SV2B: variants seen among roughly 807,000 people sequenced by gnomAD.
SV2B encodes the protein solute carrier family 22 member B2.
SV2B carries 41 observed loss-of-function variants against 73.9 expected under a neutral mutation model. That is an observed-to-expected ratio of 0.56 (90% CI 0.43 to 0.72). The LOEUF is 0.72. SV2B is among the 30% of genes least tolerant of loss of function. SV2B has a pLI of 0.00. For missense variants in SV2B, 764 were observed against 857.8 expected, an observed-to-expected ratio of 0.89 and a Z score of 1.37; for synonymous variants, 314 against 314.2, an observed-to-expected ratio of 1.00 and a Z score of 0.01.
At position 91,278,670 on chromosome 15, in the gene SV2B, C is replaced by G. The variant is rs1351731141; in HGVS notation, c.1374-3058C>G. ...GTCCGGCCTGGGCGACAGAGCGAGA[C>G]TCCGTCTCAAAAAAAAAAAAAAAAA... is the stretch of plus-strand genomic sequence containing the variant. On this transcript the variant is annotated intron_variant, in intron 9 of 12. Coordinates refer to ENST00000394232, the MANE Select transcript of SV2B (RefSeq NM_001323032.3). Among the ~76,000 whole-genome samples the G allele has an allele frequency of 6.3e-5, 4 of 63,804 alleles. 1 individual carries two copies. In the South Asian group the frequency reaches 1.4e-3, roughly 23 times the overall value. The allele number at this position is 63,804 out of a possible 152,430, so 41.9% of individuals were successfully genotyped here. A position where few individuals can be genotyped will look rare whatever the true frequency, so the allele number is the denominator to read the frequency against.
At chr15:91,233,752 G>A (rs746337171) in intron 2 of SV2B, among the ~76,000 whole-genome samples, 3 of 152,114 alleles carry the variant, frequency 2.0e-5, no homozygotes, top group Non-Finnish European at 4.4e-5. Flanking sequence ...CCTCTCCTGA[G>A]GCAGTTGCCT....
rs1001579629 is a variant in SV2B, at chr15:91,288,261, A to AT, written c.1709-1253dup. On this transcript the variant is annotated intron_variant, in intron 11 of 12. Transcript: ENST00000394232. The surrounding 1 kb of genome is among the most constrained non-coding windows in gnomAD (Gnocchi z 5.8). Reference sequence around the variant, plus strand: ...TGAGAATGGATTTTTTTAAAAAATTATTTTTTTATTTTTAATGGATAAATT... The same window carrying AT: ...TGAGAATGGATTTTTTTAAAAAATTATTTTTTTTATTTTTAATGGATAAATT... 1.3e-5 allele frequency among the ~76,000 whole-genome samples: 2 copies of AT among 152,036 alleles called. No individual in the cohort carries two copies. Among genetic ancestry groups the AT allele is most frequent in the African/African-American group, 2.4e-5 (1 of 41,392 alleles).
rs146971962 is a variant in SV2B at position 91,128,241 on chromosome 15, C to T, written c.-392+27878C>T. 8.4e-3 allele frequency among the ~76,000 whole-genome samples: 1,284 copies of T among 152,228 alleles called. 40 individuals carry two copies. The highest frequency in any genetic ancestry group is 0.055 in the Admixed American group (841 of 15,298). On this transcript the variant is annotated intron_variant, in intron 1 of 12. Transcript: ENST00000394232. This position sits in a 1 kb window ranked among gnomAD's most constrained non-coding sequence, Gnocchi z 4.2. The stretch of plus-strand genomic sequence containing the variant: ...CACCCTCTTCCACCAGTGAGTCATC[C>T]GCAGAGGCTGTTCTCCAAGAAGGTG...
chr15:91,153,188 T>A (rs554953158), intron 1 of SV2B, among the ~76,000 whole-genome samples: 1 of 152,214 alleles, frequency 6.6e-6, no homozygotes, highest in African/African-American at 2.4e-5. Context: ...GGTGGAGCCC[T>A]CGTGACTTAC....
intron 2 of SV2B, among the ~76,000 whole-genome samples, chr15:91,235,672 T>C (rs893972712): frequency 4.6e-5 from 7 of 152,214 alleles, no homozygotes; most frequent in Admixed American, 1.3e-4. Context: ...TCTACTGCTA[T>C]TTTTTGTGCC....
At chr15:91,285,628 T>G (rs2048835295) in intron 11 of SV2B, among the ~76,000 whole-genome samples, 1 of 152,216 alleles carries the variant, frequency 6.6e-6, no homozygotes, top group Non-Finnish European at 1.5e-5. Context: ...AGCTTCCATT[T>G]TCATTGTTAA....
At position 91,197,354 on chromosome 15, in the gene SV2B, G is replaced by A. The variant is rs976169220; in HGVS notation, c.-391-28519G>A. 2.0e-5 allele frequency among the ~76,000 whole-genome samples: 3 copies of A among 151,788 alleles called. No homozygotes were observed. The highest frequency in any genetic ancestry group is 6.6e-5 in the Admixed American group (1 of 15,238). ...AGCAATCCTCCTGCCTCAGCCTCCC[G>A]AGTAGCTGGGATTACAGGGGTCCGC... On this transcript the variant is annotated intron_variant, in intron 1 of 12. Coordinates refer to ENST00000394232, the MANE Select transcript of SV2B (RefSeq NM_001323032.3). The surrounding 1 kb of genome is among the most constrained non-coding windows in gnomAD (Gnocchi z 4.9).
At position 91,110,039 on chromosome 15, in the gene SV2B, T is replaced by A. The variant is rs577086758; in HGVS notation, c.-392+9676T>A. Among the ~76,000 whole-genome samples the A allele has an allele frequency of 1.1e-4, 16 of 152,230 alleles. No individual in the cohort carries two copies. Among genetic ancestry groups the A allele is most frequent in the Admixed American group, 1.3e-4 (2 of 15,288 alleles). On this transcript the variant is annotated intron_variant, in intron 1 of 12. Coordinates refer to ENST00000394232, the MANE Select transcript of SV2B (RefSeq NM_001323032.3). The surrounding 1 kb of genome is among the most constrained non-coding windows in gnomAD (Gnocchi z 5.4). ...TGCATCCACCTCGGAAATAGCTTAT[T>A]TGGGTGGATAAAAGAGCTGTCCGTC...
At chr15:91,274,978 T>G (rs2048436505) in intron 9 of SV2B, among the ~76,000 whole-genome samples, 1 of 152,168 alleles carries the variant, frequency 6.6e-6, no homozygotes, top group South Asian at 2.1e-4. Flanking sequence ...AGTGTTTGTA[T>G]AACTTTTTCC....
chr15:91,167,765 G>T (rs1006209183), intron 1 of SV2B, among the ~76,000 whole-genome samples: 5 of 152,164 alleles, frequency 3.3e-5, no homozygotes, highest in African/African-American at 4.8e-5. Context: ...CTTTGCAGGG[G>T]TTATTCTTTA....
rs1011386033 is a variant in SV2B, at chr15:91,294,862, A to T, written c.*2310A>T. The T allele has an allele frequency of 6.6e-6, 1 of 152,620 alleles. No individual in the cohort carries two copies. Among genetic ancestry groups the T allele is most frequent in the Non-Finnish European group, 1.5e-5 (1 of 68,042 alleles). 9.5% of individuals were successfully genotyped at this position (152,620 alleles called of 1,614,324 possible). On this transcript the variant is annotated 3_prime_UTR_variant, in exon 13 of 13. Transcript: ENST00000394232. This position sits in a 1 kb window ranked among gnomAD's most constrained non-coding sequence, Gnocchi z 4.1. ...CTTTAAACCAGCCACCTAGCCAATC[A>T]AGGGCAATTCCCATCTCATCCATCA... is the stretch of plus-strand genomic sequence containing the variant.
At chr15:91,131,924 C>T (rs2042665335) in intron 1 of SV2B, among the ~76,000 whole-genome samples, 1 of 152,282 alleles carries the variant, frequency 6.6e-6, no homozygotes, top group South Asian at 2.1e-4. Flanking sequence ...GATTGTGCCA[C>T]TGCACTCCAG....
At chr15:91,143,910 T>A (rs919712500) in intron 1 of SV2B, among the ~76,000 whole-genome samples, 1 of 152,254 alleles carries the variant, frequency 6.6e-6, no homozygotes, top group African/African-American at 2.4e-5. Context: ...CCTTCATCAC[T>A]GGATTCTTTA....
intron 9 of SV2B, among the ~76,000 whole-genome samples, chr15:91,271,300 A>T: frequency 6.6e-6 from 1 of 152,200 alleles, no homozygotes; most frequent in East Asian, 1.9e-4. Context: ...TGAAGTTCCC[A>T]GTGTTTAGCA....
Position 91,194,623 on chromosome 15 carries a change from C to T in SV2B, c.-391-31250C>T, listed in dbSNP as rs148301223. Among the ~76,000 whole-genome samples, 6 of 152,228 alleles carry T rather than the reference C, an allele frequency of 3.9e-5. No homozygotes were observed. In the East Asian group the frequency reaches 5.8e-4, roughly 15 times the overall value. On this transcript the variant is annotated intron_variant, in intron 1 of 12. Transcript: ENST00000394232. ...AAGTGCCTTGGGGCTGTGGAGAATGCGTTAGACAAGGATTCATTCATTCAG... is the reference window on the plus strand; with the variant it reads ...AAGTGCCTTGGGGCTGTGGAGAATGTGTTAGACAAGGATTCATTCATTCAG...
At chr15:91,278,885 G>A (rs190684904) in intron 9 of SV2B, among the ~76,000 whole-genome samples, 94 of 152,088 alleles carry the variant, frequency 6.2e-4, no homozygotes, top group Admixed American at 1.8e-3. Context: ...TCATTTCATG[G>A]TGGCTAGAGA....
Position 91,268,372 on chromosome 15 carries a change from G to T in SV2B, c.1209-69G>T, listed in dbSNP as rs2048176800. 2.7e-6 allele frequency: 4 copies of T among 1,460,294 alleles called. No homozygotes were observed. The Admixed American group carries it at 8.2e-5, about 30-fold the overall frequency. 90.5% of individuals were successfully genotyped at this position (1,460,294 alleles called of 1,614,324 possible). The stretch of plus-strand genomic sequence containing the variant: ...ATGAGTTTGATCTGCATCAAGTCAA[G>T]AGTGTAGACCCTGATCATGAAAGAA... On this transcript the variant is annotated intron_variant, in intron 8 of 12. Transcript: ENST00000394232. The surrounding 1 kb of genome is among the most constrained non-coding windows in gnomAD (Gnocchi z 4.4).
In SV2B at chr15:91,146,729, A is replaced by G. The variant is rs1009624433; in HGVS notation, c.-392+46366A>G. The stretch of plus-strand genomic sequence containing the variant: ...TACTGGGTAAACTCTACCAGGGACT[A>G]CAGTATAAAAAGTCATCCACAGACT... On this transcript the variant is annotated intron_variant, in intron 1 of 12. Transcript: ENST00000394232. 2.4e-4 allele frequency among the ~76,000 whole-genome samples: 37 copies of G among 152,218 alleles called. 1 individual carries two copies. Among genetic ancestry groups the G allele is most frequent in the African/African-American group, 8.4e-4 (35 of 41,460 alleles).
chr15:91,196,124 G>A (rs2045237183), intron 1 of SV2B, among the ~76,000 whole-genome samples: 2 of 152,138 alleles, frequency 1.3e-5, no homozygotes, highest in African/African-American at 4.8e-5. Context: ...GCTCACACAG[G>A]CCAAGATGCT....
Sources: allele counts gnomAD v4.1 joint callset (sites outside exome capture counted in the v4.1 genomes callset), GRCh38; gene constraint gnomAD v4.1.1; non-coding constraint Gnocchi (gnomAD v3.1); transcripts MANE v1.5; gene names NCBI Gene and HGNC (gene_info 2026-07-23, HGNC 2026-07-21).